The following BABAM2 variants were observed in gnomAD, a reference collection of about 807,000 sequenced individuals.
BABAM2 encodes the protein BRISC and BRCA1-A complex member 2.
A neutral mutation model predicts 54.7 loss-of-function variants in BABAM2; 31 were observed. The ratio of observed to expected loss-of-function variants is 0.57; its 90% CI spans 0.43 to 0.77. The LOEUF (loss-of-function observed/expected upper bound fraction) is 0.77. Ranked by LOEUF, BABAM2 falls within the 30% of genes least tolerant of loss-of-function variation. The pLI is 0.00. For synonymous variants in BABAM2, 167 were observed against 162.9 expected (o/e 1.03, Z -0.19); for missense variants, 364 against 455.8 (o/e 0.80, Z 1.83).
chr2:28,263,341 T>C (rs779338291), intron 10 of BABAM2, among the ~76,000 whole-genome samples: 2 of 152,214 alleles, frequency 1.3e-5, no homozygotes, highest in Non-Finnish European at 2.9e-5. Context: ...ATCCCCATTT[T>C]ACAAAAAGCA....
rs532190785 is a variant in BABAM2 at position 28,049,912 on chromosome 2, C to T, written c.570+4113C>T. On this transcript the variant is annotated intron_variant, in intron 6 of 11. Transcript: ENST00000379624. ...GCAGCCTCCTCAGCCTGACATTGGC[C>T]AGCCGGCTACCTACTTATAGTCAGT... 7.2e-5 allele frequency among the ~76,000 whole-genome samples: 11 copies of T among 152,314 alleles called. No individual in the cohort carries two copies. The South Asian group carries it at 2.3e-3, about 32-fold the overall frequency.
chr2:27,896,226 T>G (rs1274895298), intron 2 of BABAM2: 1 of 153,144 alleles, frequency 6.5e-6, no homozygotes, highest in Non-Finnish European at 1.5e-5. Context: ...CTCACTGACC[T>G]GGTACAGGGC....
At chr2:27,961,780 T>A (rs914346624) in intron 3 of BABAM2, among the ~76,000 whole-genome samples, 1 of 145,434 alleles carries the variant, frequency 6.9e-6, no homozygotes, top group Middle Eastern at 3.5e-3. Context: ...CAGGCTGGAG[T>A]GCAGTGGTGC....
At chr2:28,233,824 ATTGT>A (rs1468395060) in intron 7 of BABAM2, among the ~76,000 whole-genome samples, 2 of 152,138 alleles carry the variant, frequency 1.3e-5, no homozygotes, top group Admixed American at 6.5e-5. Context: ...AATGAATCTG[ATTGT>A]TTGGTGGTTG....
intron 3 of BABAM2, among the ~76,000 whole-genome samples, chr2:27,935,582 T>G (rs1411967026): frequency 1.3e-5 from 2 of 152,226 alleles, no homozygotes; most frequent in East Asian, 3.8e-4. Context: ...TTTCATAAAC[T>G]TAGTTGATAA....
chr2:27,898,957 TAAA>T (rs944907147), intron 2 of BABAM2, among the ~76,000 whole-genome samples: 3 of 143,352 alleles, frequency 2.1e-5, no homozygotes, highest in Admixed American at 7.0e-5. Flanking sequence ...AAGCTGTCAT[TAAA>T]AAAAAAAAAC....
chr2:28,028,216 T>C (rs1022662447), intron 5 of BABAM2, among the ~76,000 whole-genome samples: 1 of 152,240 alleles, frequency 6.6e-6, no homozygotes, highest in African/African-American at 2.4e-5. Flanking sequence ...TTCAACTCCT[T>C]GCCTCTCTAC....
intron 7 of BABAM2, among the ~76,000 whole-genome samples, chr2:28,210,235 A>C (rs919412529): frequency 3.3e-5 from 5 of 152,176 alleles, no homozygotes; most frequent in Admixed American, 2.0e-4. Context: ...TAAGGTATTC[A>C]GTACCTATTA....
In BABAM2 at chr2:27,894,779, C is replaced by T. The variant is rs148822026; in HGVS notation, c.128+95C>T. On this transcript the variant is annotated intron_variant, in intron 2 of 11. Transcript: ENST00000379624. Reference sequence around the variant, plus strand: ...TTACCAGACTCATAAAAATTGACTGCCACAGAAACCCACCAAGTCATCATC... The same window carrying T: ...TTACCAGACTCATAAAAATTGACTGTCACAGAAACCCACCAAGTCATCATC... 211 of 1,397,120 alleles carry T rather than the reference C, an allele frequency of 1.5e-4. No homozygotes were observed. In the African/African-American group the frequency reaches 2.4e-3, roughly 16 times the overall value. 86.5% of individuals were successfully genotyped at this position (1,397,120 alleles called of 1,614,324 possible).
At chr2:28,274,159 C>T (rs889361829) in intron 10 of BABAM2, among the ~76,000 whole-genome samples, 2 of 152,186 alleles carry the variant, frequency 1.3e-5, no homozygotes, top group African/African-American at 4.8e-5. Context: ...GGCTCACCTT[C>T]CCCATCCAGC....
At chr2:27,926,061 G>C (rs891357709) in intron 2 of BABAM2, among the ~76,000 whole-genome samples, 2 of 151,678 alleles carry the variant, frequency 1.3e-5, no homozygotes, top group African/African-American at 4.8e-5. Flanking sequence ...TCTCCTCCCT[G>C]GTCTGGCTAT....
chr2:28,041,567 GTT>G (rs1677103253), intron 5 of BABAM2, among the ~76,000 whole-genome samples: 1 of 152,190 alleles, frequency 6.6e-6, no homozygotes, highest in Non-Finnish European at 1.5e-5. Context: ...GGAGGAGAGA[GTT>G]TCTGGGTGAC....
chr2:28,201,814 C>A (rs963233468), intron 7 of BABAM2, among the ~76,000 whole-genome samples: 6 of 152,072 alleles, frequency 3.9e-5, no homozygotes, highest in African/African-American at 1.4e-4. Context: ...TCAGCAGGAA[C>A]AGGTTGCAAA....
intron 11 of BABAM2, among the ~76,000 whole-genome samples, chr2:28,317,659 A>G (rs1689677866): frequency 6.6e-6 from 1 of 152,166 alleles, no homozygotes; most frequent in African/African-American, 2.4e-5. Context: ...AGCCAAAACA[A>G]CCTGTTCTCA....
chr2:28,326,042 C>T (rs17006689), intron 11 of BABAM2, among the ~76,000 whole-genome samples: 2,002 of 152,308 alleles, frequency 0.013, 44 homozygotes, highest in African/African-American at 0.046. Context: ...GAGCACTGTT[C>T]CAGCTGGGGT....
intron 2 of BABAM2, among the ~76,000 whole-genome samples, chr2:27,904,954 G>A (rs1421552980): frequency 6.6e-6 from 1 of 152,206 alleles, no homozygotes; most frequent in Non-Finnish European, 1.5e-5. Context: ...CTAGAAAGCA[G>A]TCAATACAAT....
chr2:28,120,786 C>T (rs1669001499), intron 6 of BABAM2, among the ~76,000 whole-genome samples: 1 of 152,018 alleles, frequency 6.6e-6, no homozygotes, highest in Non-Finnish European at 1.5e-5. Flanking sequence ...GGAAAACTAC[C>T]GAGGGAGGAC....
At chr2:27,893,617 G>C (rs1665035795) in intron 1 of BABAM2, among the ~76,000 whole-genome samples, 1 of 152,126 alleles carries the variant, frequency 6.6e-6, no homozygotes, top group South Asian at 2.1e-4. Flanking sequence ...AAACCCTGGG[G>C]ATTCAAAACA....
intron 6 of BABAM2, among the ~76,000 whole-genome samples, chr2:28,058,912 A>C (rs1213950296): frequency 6.6e-6 from 1 of 152,174 alleles, no homozygotes; most frequent in Non-Finnish European, 1.5e-5. Context: ...AACAAACAAC[A>C]ACGGCTCCTT....
Sources: allele counts gnomAD v4.1 joint callset (sites outside exome capture counted in the v4.1 genomes callset), GRCh38; gene constraint gnomAD v4.1.1; transcripts MANE v1.5; gene names NCBI Gene and HGNC (gene_info 2026-07-23, HGNC 2026-07-21).